The following ADCY8 variants were observed in gnomAD, a reference collection of about 807,000 sequenced individuals.
ADCY8 encodes adenylate cyclase 8.
A neutral mutation model predicts 119.7 loss-of-function variants in ADCY8; 51 were observed. The observed-to-expected ratio is 0.43, with a 90% CI of 0.34 to 0.54. The LOEUF (loss-of-function observed/expected upper bound fraction) is 0.54. Ranked by LOEUF, ADCY8 falls within the 20% of genes least tolerant of loss-of-function variation. The pLI is 0.03. For missense variants in ADCY8, 1,383 were observed against 1,598.8 expected (o/e 0.87, Z 2.30); for synonymous variants, 665 against 651.0 (o/e 1.02, Z -0.33).
At chr8:131,021,150 T>C (rs1275174891) in intron 1 of ADCY8, among the ~76,000 whole-genome samples, 1 of 152,208 alleles carries the variant, frequency 6.6e-6, no homozygotes, top group African/African-American at 2.4e-5. Flanking sequence ...TTAGAAATTA[T>C]ATTAGATATT....
intron 1 of ADCY8, among the ~76,000 whole-genome samples, chr8:131,013,495 T>C (rs1823375250): frequency 6.6e-6 from 1 of 152,166 alleles, no homozygotes; most frequent in South Asian, 2.1e-4. Context: ...ATAATTTTTC[T>C]ACCAGTGTAT....
At position 131,039,551 on chromosome 8, in the gene ADCY8, G is replaced by A. The variant is rs1824286918; in HGVS notation, c.783C>T (p.Gly261=). ...CGTCGCCCAGGAGCCCGTAGCCGAG[G>A]CCTGCTGCCAGGATCTGGGTGGTCA... The part of the protein sequence containing the change: ...VAMTTQILAA[G]LGYGLLGDGI... Residue 261 remains glycine, a synonymous_variant, in exon 1 of 18, where the codon GGC becomes GGT. Coordinates refer to ENST00000286355, the MANE Select transcript of ADCY8 (RefSeq NM_001115.3). The A allele has an allele frequency of 3.1e-6, 5 of 1,613,760 alleles. No individual in the cohort carries two copies. The East Asian group carries it at 8.9e-5, about 29-fold the overall frequency.
intron 1 of ADCY8, among the ~76,000 whole-genome samples, chr8:131,008,387 A>C (rs1823191088): frequency 6.6e-6 from 1 of 152,172 alleles, no homozygotes; most frequent in South Asian, 2.1e-4. Flanking sequence ...TCTTGGGATA[A>C]TCAGTCAGTT....
intron 13 of ADCY8, among the ~76,000 whole-genome samples, chr8:130,818,889 T>G (rs1270724012): frequency 2.6e-5 from 4 of 152,244 alleles, no homozygotes; most frequent in Non-Finnish European, 4.4e-5. Flanking sequence ...CTTACAGGCT[T>G]TGTGACCTCA....
intron 9 of ADCY8, among the ~76,000 whole-genome samples, chr8:130,860,287 A>C (rs1409077959): frequency 1.3e-5 from 2 of 152,146 alleles, no homozygotes; most frequent in Non-Finnish European, 2.9e-5. Context: ...AGTTCTTTGA[A>C]TATTTTGGGT....
At chr8:130,957,966 C>A (rs1208049574) in intron 2 of ADCY8, among the ~76,000 whole-genome samples, 2 of 152,178 alleles carry the variant, frequency 1.3e-5, no homozygotes, top group Admixed American at 1.3e-4. Context: ...TAGGGCAGTG[C>A]AGAAGGGAAA....
chr8:131,034,523 T>C (rs554152674), intron 1 of ADCY8, among the ~76,000 whole-genome samples: 1 of 152,244 alleles, frequency 6.6e-6, no homozygotes, highest in South Asian at 2.1e-4. Context: ...TCATTGTAAG[T>C]CAAGTTTAAC....
At chr8:130,855,592 C>T (rs955544656) in intron 9 of ADCY8, among the ~76,000 whole-genome samples, 2 of 151,688 alleles carry the variant, frequency 1.3e-5, no homozygotes, top group African/African-American at 4.8e-5. Context: ...CGTCACACCA[C>T]CTAGAAAGAA....
intron 5 of ADCY8, among the ~76,000 whole-genome samples, chr8:130,933,426 C>T (rs1032847979): frequency 6.6e-6 from 1 of 152,132 alleles, no homozygotes; most frequent in South Asian, 2.1e-4. Context: ...TATTGTTCAC[C>T]AGCCATTCCT....
intron 2 of ADCY8, among the ~76,000 whole-genome samples, chr8:130,959,694 C>T (rs750495771): frequency 5.3e-5 from 8 of 152,190 alleles, no homozygotes; most frequent in Non-Finnish European, 8.8e-5. Flanking sequence ...GGTGTGTATG[C>T]AAGCATGTAC....
chr8:130,784,406 A>T (rs1385404302), intron 16 of ADCY8, among the ~76,000 whole-genome samples: 1 of 152,220 alleles, frequency 6.6e-6, no homozygotes. Context: ...TAAAATGGGG[A>T]TAAGCATACT....
At chr8:131,017,661 C>T (rs1312787231) in intron 1 of ADCY8, among the ~76,000 whole-genome samples, 1 of 152,162 alleles carries the variant, frequency 6.6e-6, no homozygotes, top group Non-Finnish European at 1.5e-5. Flanking sequence ...TCACTGATAT[C>T]CACCACCCCT....
Position 130,904,865 on chromosome 8 carries a change from G to C in ADCY8, c.1641-823C>G, listed in dbSNP as rs561411947. ...TCTGGGGAAGAGTTTTTCTGTCCTCGTAACTGTCTAACTCAATCATACTAC... is the reference window on the plus strand; with the variant it reads ...TCTGGGGAAGAGTTTTTCTGTCCTCCTAACTGTCTAACTCAATCATACTAC... On this transcript the variant is annotated intron_variant, in intron 6 of 17. Coordinates refer to ENST00000286355, the MANE Select transcript of ADCY8 (RefSeq NM_001115.3). Among the ~76,000 whole-genome samples the C allele has an allele frequency of 1.3e-3, 191 of 152,234 alleles. 1 individual carries two copies. Among genetic ancestry groups the C allele is most frequent in the Middle Eastern group, 3.4e-3 (1 of 294 alleles).
intron 1 of ADCY8, among the ~76,000 whole-genome samples, chr8:131,031,299 A>G (rs984368916): frequency 3.3e-4 from 50 of 152,320 alleles, no homozygotes; most frequent in African/African-American, 1.2e-3. Flanking sequence ...CTTTTTGTGA[A>G]TCAGAATTTC....
At chr8:130,867,561 T>TA (rs11426181) in intron 9 of ADCY8, among the ~76,000 whole-genome samples, 24,319 of 152,206 alleles carry the variant, frequency 0.16, 2,503 homozygotes, top group African/African-American at 0.29. Flanking sequence ...TTCTTATACC[T>TA]ATTTTCTGCA....
At chr8:131,017,926 A>G (rs183935615) in intron 1 of ADCY8, among the ~76,000 whole-genome samples, 4 of 152,224 alleles carry the variant, frequency 2.6e-5, no homozygotes, top group African/African-American at 9.6e-5. Flanking sequence ...TTATCTGATA[A>G]GCACCAACAT....
intron 9 of ADCY8, among the ~76,000 whole-genome samples, chr8:130,856,939 T>G (rs1817756681): frequency 6.6e-6 from 1 of 151,978 alleles, no homozygotes; most frequent in Non-Finnish European, 1.5e-5. Flanking sequence ...CAAAAGTCAT[T>G]AGTAACTTTT....
intron 7 of ADCY8, among the ~76,000 whole-genome samples, chr8:130,887,425 A>G (rs920352398): frequency 1.3e-5 from 2 of 152,134 alleles, no homozygotes; most frequent in Admixed American, 1.3e-4. Flanking sequence ...CAAAATGTCA[A>G]TAATGTGGTG....
intron 7 of ADCY8, among the ~76,000 whole-genome samples, chr8:130,899,768 G>A (rs371081527): frequency 3.3e-5 from 5 of 152,166 alleles, no homozygotes; most frequent in African/African-American, 1.2e-4. Context: ...GCATGCAGCA[G>A]AAAAGGAAAA....
Sources: allele counts gnomAD v4.1 joint callset (sites outside exome capture counted in the v4.1 genomes callset), GRCh38; gene constraint gnomAD v4.1.1; transcripts MANE v1.5; gene names NCBI Gene and HGNC (gene_info 2026-07-23, HGNC 2026-07-21).